DEF6: variants seen among roughly 807,000 people sequenced by gnomAD.
DEF6 encodes differentially expressed in FDCP 6 homolog.
A neutral mutation model predicts 80.5 loss-of-function variants in DEF6; 32 were observed. That is an observed-to-expected ratio of 0.40 (90% confidence interval 0.30 to 0.53). The LOEUF is 0.53. DEF6 is among the 20% of genes least tolerant of loss of function. The pLI, the probability that DEF6 is intolerant of heterozygous loss-of-function variation, is 0.57. For synonymous variants in DEF6, 300 were observed against 337.9 expected, an observed-to-expected ratio of 0.89 and a Z score of 1.23; for missense variants, 575 against 818.7, an observed-to-expected ratio of 0.70 and a Z score of 3.63.
At chr6:35,311,798 C>T (rs1791470365) in intron 3 of DEF6, among the ~76,000 whole-genome samples, 1 of 152,218 alleles carries the variant, frequency 6.6e-6, no homozygotes, top group African/African-American at 2.4e-5. Context: ...CTTCCTCTCC[C>T]ACAAGGGAAA....
rs756101467 is a variant in DEF6, at chr6:35,319,510, T to TC, written c.1216-8dup. The TC allele has an allele frequency of 1.7e-4, 233 of 1,367,080 alleles. 1 individual carries two copies. The South Asian group carries it at 2.8e-3, about 16-fold the overall frequency. The allele number at this position is 1,367,080 out of a possible 1,614,324, so 84.7% of individuals were successfully genotyped here. On this transcript the variant is annotated splice_polypyrimidine_tract_variant and intron_variant, in intron 7 of 10. Coordinates refer to ENST00000316637, the MANE Select transcript of DEF6 (RefSeq NM_022047.4). This position sits in a 1 kb window ranked among gnomAD's most constrained non-coding sequence, Gnocchi z 4.5. Reference sequence around the variant, plus strand: ...TTGACCTGGCTCTTGGTCCACCACCTCCCCCCTCCACAGGCCCGGGCCTCC... The same window carrying TC: ...TTGACCTGGCTCTTGGTCCACCACCTCCCCCCCTCCACAGGCCCGGGCCTCC...
chr6:35,321,013 G>T, intron 10 of DEF6, 39 bp downstream of exon 10: 2 of 1,607,790 alleles, frequency 1.2e-6, no homozygotes, highest in Non-Finnish European at 1.7e-6. Flanking sequence ...CCTGGAGCTG[G>T]GAGGGAGAAA....
At chr6:35,305,864 C>T (rs747087439) in intron 1 of DEF6, among the ~76,000 whole-genome samples, 12 of 151,940 alleles carry the variant, frequency 7.9e-5, no homozygotes, top group Non-Finnish European at 1.2e-4. Flanking sequence ...TGAACCACTG[C>T]GCCTGGCCAA....
intron 1 of DEF6, among the ~76,000 whole-genome samples, chr6:35,299,918 T>G (rs1482389268): frequency 6.6e-6 from 1 of 151,804 alleles, no homozygotes; most frequent in African/African-American, 2.4e-5. Context: ...AGAGAAGTGG[T>G]CAAAAGGCAA....
At chr6:35,313,376 A>C in intron 5 of DEF6, 2 of 409,020 alleles carry the variant, frequency 4.9e-6, no homozygotes, top group South Asian at 3.6e-5. Flanking sequence ...TTCAGGGTAC[A>C]TGTGATAATT....
chr6:35,298,769 G>A (rs1791275408), intron 1 of DEF6, among the ~76,000 whole-genome samples: 1 of 152,142 alleles, frequency 6.6e-6, no homozygotes, highest in African/African-American at 2.4e-5. Context: ...TAGAATCAGC[G>A]AACACTGGGG....
In DEF6 at chr6:35,318,801, G is replaced by A. The variant is rs1791554027; in HGVS notation, c.1215+330G>A. Among the ~76,000 whole-genome samples the A allele has an allele frequency of 6.6e-6, 1 of 152,142 alleles. No homozygotes were observed. Among genetic ancestry groups the A allele is most frequent in the Admixed American group, 6.5e-5 (1 of 15,282 alleles). On this transcript the variant is annotated intron_variant, in intron 7 of 10. Transcript: ENST00000316637. The surrounding 1 kb of genome is among the most constrained non-coding windows in gnomAD (Gnocchi z 5.1). The stretch of plus-strand genomic sequence containing the variant: ...GGAGCCGTTGAAGACCGTGTGATTG[G>A]GGATTAGACTGGACCAAGTTTGGAC...
Position 35,312,379 on chromosome 6 carries a change from C to T in DEF6, c.501C>T (p.Ala167=). Residue 167 remains alanine, a synonymous_variant, in exon 4 of 11, where the codon GCC becomes GCT. Transcript: ENST00000316637. The surrounding 1 kb of genome is among the most constrained non-coding windows in gnomAD (Gnocchi z 6.6). ...VSLGELEELL[A]QEAQVAQTTG... The stretch of plus-strand genomic sequence containing the variant: ...TGGGTGAGCTGGAGGAGCTTCTGGC[C>T]CAGGAGGCCCAGGTGGCCCAGACCA... The T allele has an allele frequency of 1.9e-6, 3 of 1,614,082 alleles. No individual in the cohort carries two copies. The highest frequency in any genetic ancestry group is 2.5e-6 in the Non-Finnish European group (3 of 1,180,004).
At chr6:35,310,247 G>A (rs548540582) in intron 2 of DEF6, among the ~76,000 whole-genome samples, 1 of 152,274 alleles carries the variant, frequency 6.6e-6, no homozygotes, top group Admixed American at 6.5e-5. Flanking sequence ...CTGTTGTCAG[G>A]GGGCCTGGGT....
intron 3 of DEF6, among the ~76,000 whole-genome samples, chr6:35,311,122 G>A (rs1791460399): frequency 6.6e-6 from 1 of 152,158 alleles, no homozygotes; most frequent in Admixed American, 6.6e-5. Context: ...GACAAACTCA[G>A]CTAAGAGACC....
intron 1 of DEF6, among the ~76,000 whole-genome samples, chr6:35,303,148 T>A (rs1387403393): frequency 6.6e-6 from 1 of 152,152 alleles, no homozygotes; most frequent in Non-Finnish European, 1.5e-5. Context: ...TCTGGGCATT[T>A]AATTCTTCCT....
Position 35,297,937 on chromosome 6 carries a change from C to T in DEF6, c.81C>T (p.Ser27=). ...ACGTGGAGAAGAGTGGCAAAGTCTCCAAGTCCCAGCTCAAGGTGAGGGGCA... is the reference window on the plus strand; with the variant it reads ...ACGTGGAGAAGAGTGGCAAAGTCTCTAAGTCCCAGCTCAAGGTGAGGGGCA... ...ALDVEKSGKV[S]KSQLKVLSHN... is the part of the protein sequence containing the mutation. Residue 27 remains serine, a synonymous_variant, in exon 1 of 11, where the codon TCC becomes TCT. Coordinates refer to ENST00000316637, the MANE Select transcript of DEF6 (RefSeq NM_022047.4). 6.2e-7 allele frequency: 1 copy of T among 1,601,848 alleles called. No homozygotes were observed. The highest frequency in any genetic ancestry group is 8.5e-7 in the Non-Finnish European group (1 of 1,174,992).
Position 35,321,445 on chromosome 6 carries a change from T to C in DEF6, c.*35T>C. 6.3e-7 allele frequency: 1 copy of C among 1,586,660 alleles called. No homozygotes were observed. Among genetic ancestry groups the C allele is most frequent in the Non-Finnish European group, 8.6e-7 (1 of 1,158,562 alleles). Reference sequence around the variant, plus strand: ...GCCCCTTGTTCTTCCCAATGTCATATCCACCAGGACCTGGCCACAGCTGGC... The same window carrying C: ...GCCCCTTGTTCTTCCCAATGTCATACCCACCAGGACCTGGCCACAGCTGGC... On this transcript the variant is annotated 3_prime_UTR_variant, in exon 11 of 11. Coordinates refer to ENST00000316637, the MANE Select transcript of DEF6 (RefSeq NM_022047.4).
chr6:35,308,736 T>TA (rs1396323813), intron 1 of DEF6, among the ~76,000 whole-genome samples: 373 of 141,738 alleles, frequency 2.6e-3, no homozygotes, highest in African/African-American at 8.1e-3. Flanking sequence ...ATAAATAAAA[T>TA]AATAAAATAA....
chr6:35,307,330 C>T (rs967144953), intron 1 of DEF6, among the ~76,000 whole-genome samples: 5 of 152,232 alleles, frequency 3.3e-5, no homozygotes, highest in South Asian at 2.1e-4. Context: ...ACCTGGGAGG[C>T]GGAGGTTGCA....
chr6:35,312,901 AGT>A lies in DEF6; in HGVS notation c.807+133_807+134del. 8.9e-7 allele frequency: 1 copy of A among 1,125,184 alleles called. No individual in the cohort carries two copies. The highest frequency in any genetic ancestry group is 1.3e-6 in the Non-Finnish European group (1 of 797,452). The allele number at this position is 1,125,184 out of a possible 1,614,324, so 69.7% of individuals were successfully genotyped here. On this transcript the variant is annotated intron_variant, in intron 5 of 10. Coordinates refer to ENST00000316637, the MANE Select transcript of DEF6 (RefSeq NM_022047.4). This position sits in a 1 kb window ranked among gnomAD's most constrained non-coding sequence, Gnocchi z 6.6. The stretch of plus-strand genomic sequence containing the variant: ...AGTGACACAAATTCCTGCTTAGATT[AGT>A]GTGACCCAAATATATCCGGATGCCT...
At chr6:35,317,243 GACTA>G (rs1167724129) in intron 5 of DEF6, among the ~76,000 whole-genome samples, 1 of 152,252 alleles carries the variant, frequency 6.6e-6, no homozygotes, top group Non-Finnish European at 1.5e-5. Flanking sequence ...ATCACTAACA[GACTA>G]ACAGTGTGAG....
At chr6:35,308,715 A>AATAAAATAAAATAAC (rs1446286945) in intron 1 of DEF6, among the ~76,000 whole-genome samples, 7 of 148,118 alleles carry the variant, frequency 4.7e-5, no homozygotes, top group African/African-American at 1.7e-4. Context: ...AATAAAATAA[A>AATAAAATAAAATAAC]ATAAAATAAA....
At chr6:35,303,762 T>G (rs1791347141) in intron 1 of DEF6, among the ~76,000 whole-genome samples, 1 of 151,996 alleles carries the variant, frequency 6.6e-6, no homozygotes, top group Admixed American at 6.6e-5. Flanking sequence ...TTTGGGAGGC[T>G]GAGGCGGGTG....
Sources: allele counts gnomAD v4.1 joint callset (sites outside exome capture counted in the v4.1 genomes callset), GRCh38; gene constraint gnomAD v4.1.1; non-coding constraint Gnocchi (gnomAD v3.1); transcripts MANE v1.5; gene names NCBI Gene and HGNC (gene_info 2026-07-23, HGNC 2026-07-21).